The following ARHGAP18 variants were observed in gnomAD, a reference collection of about 807,000 sequenced individuals.
The protein encoded by ARHGAP18 is rho GTPase-activating protein 18.
In ARHGAP18, 67 loss-of-function variants were observed where a neutral mutation model predicts 86.2. The ratio of observed to expected loss-of-function variants is 0.78; its 90% CI spans 0.64 to 0.95. The LOEUF is 0.95. ARHGAP18 is among the 40% of genes least tolerant of loss of function. The probability of loss-of-function intolerance (pLI) is 0.00; values close to 1 mark genes in which losing one functional copy is unlikely to be tolerated. For synonymous variants in ARHGAP18, 283 were observed against 280.4 expected (o/e 1.01, Z -0.09); for missense variants, 691 against 780.4 (o/e 0.89, Z 1.37).
Position 129,625,112 on chromosome 6 carries a change from T to A in ARHGAP18, c.786+4241A>T, listed in dbSNP as rs1341771072. ...ATGATATATGATATATATTATATAT[T>A]ATATAGATATATATTATATATGATA... On this transcript the variant is annotated intron_variant, in intron 5 of 14. Transcript: ENST00000368149. Among the ~76,000 whole-genome samples, 48 of 53,642 alleles carry A rather than the reference T, an allele frequency of 8.9e-4. 6 individuals carry two copies. The highest frequency in any genetic ancestry group is 2.9e-3 in the African/African-American group (44 of 15,266). The allele number at this position is 53,642 out of a possible 152,430, so 35.2% of individuals were successfully genotyped here.
At chr6:129,623,006 CAAAAAAAAAA>C (rs57274879) in intron 5 of ARHGAP18, among the ~76,000 whole-genome samples, 3 of 39,734 alleles carry the variant, frequency 7.6e-5, no homozygotes, top group East Asian at 7.0e-4. Flanking sequence ...CATCTCAAAA[CAAAAAAAAAA>C]AAAAAAAAAA....
At chr6:129,632,752 T>C (rs995368809) in intron 4 of ARHGAP18, among the ~76,000 whole-genome samples, 4 of 152,188 alleles carry the variant, frequency 2.6e-5, no homozygotes, top group African/African-American at 9.6e-5. Context: ...TGTATATACA[T>C]GTGCATGCAT....
chr6:129,705,081 T>C (rs1156504687), intron 1 of ARHGAP18, among the ~76,000 whole-genome samples: 1 of 152,212 alleles, frequency 6.6e-6, no homozygotes, highest in Non-Finnish European at 1.5e-5. Flanking sequence ...GCTCAGGTCT[T>C]TATTTTCCCC....
At chr6:129,649,102 A>G (rs888674184) in intron 1 of ARHGAP18, among the ~76,000 whole-genome samples, 13 of 152,222 alleles carry the variant, frequency 8.5e-5, no homozygotes, top group Admixed American at 2.6e-4. Flanking sequence ...GAACCCAGAG[A>G]AAGAATCTAA....
intron 1 of ARHGAP18, among the ~76,000 whole-genome samples, chr6:129,686,395 G>C (rs1429139756): frequency 6.6e-6 from 1 of 152,146 alleles, no homozygotes; most frequent in Non-Finnish European, 1.5e-5. Flanking sequence ...GTGATGTTCA[G>C]GGAGCATCTG....
At chr6:129,597,455 C>T (rs1210777412) in intron 12 of ARHGAP18, among the ~76,000 whole-genome samples, 2 of 152,114 alleles carry the variant, frequency 1.3e-5, no homozygotes, top group African/African-American at 4.8e-5. Context: ...TCTCTAGTGA[C>T]ACCTGAACAA....
intron 1 of ARHGAP18, among the ~76,000 whole-genome samples, chr6:129,699,834 T>C (rs937517963): frequency 1.5e-4 from 23 of 152,182 alleles, no homozygotes; most frequent in African/African-American, 5.3e-4. Flanking sequence ...CAGGAACTAC[T>C]GTGTTGATAA....
chr6:129,608,076 A>G, intron 8 of ARHGAP18, 24 bp from the exon 9 acceptor site: 1 of 1,550,914 alleles, frequency 6.4e-7, no homozygotes, highest in South Asian at 1.2e-5. Flanking sequence ...AAAAAAAAAA[A>G]AAAAAAAAAA....
chr6:129,625,602 A>ATCTTAT (rs1286691913), intron 5 of ARHGAP18, among the ~76,000 whole-genome samples: 1 of 59,858 alleles, frequency 1.7e-5, no homozygotes, highest in Non-Finnish European at 2.9e-5. Flanking sequence ...TTTATATATT[A>ATCTTAT]TATATTATTA....
At chr6:129,693,032 G>T (rs1332817364) in intron 1 of ARHGAP18, among the ~76,000 whole-genome samples, 2 of 152,136 alleles carry the variant, frequency 1.3e-5, no homozygotes. Context: ...TTGGGTCTGT[G>T]GTAGGCCAAG....
rs1289892642 is a variant in ARHGAP18, at chr6:129,707,657, T to G, written c.113+2367A>C. On this transcript the variant is annotated intron_variant, in intron 1 of 14. Coordinates refer to ENST00000368149, the MANE Select transcript of ARHGAP18 (RefSeq NM_033515.3). ...GTTTGTTTGTGGTTTCTTGTTTTTT[T>G]TTTTTTTTTTGTATTTTTGGTAGAG... 5.3e-5 allele frequency among the ~76,000 whole-genome samples: 8 copies of G among 150,196 alleles called. No homozygotes were observed. The East Asian group carries it at 7.8e-4, about 15-fold the overall frequency.
chr6:129,702,967 G>T (rs2114557432), intron 1 of ARHGAP18, among the ~76,000 whole-genome samples: 1 of 151,840 alleles, frequency 6.6e-6, no homozygotes, highest in Non-Finnish European at 1.5e-5. Flanking sequence ...GCCATGCACT[G>T]CAGCCTGGTG....
At chr6:129,673,131 T>C (rs1381655323) in intron 1 of ARHGAP18, among the ~76,000 whole-genome samples, 2 of 152,214 alleles carry the variant, frequency 1.3e-5, no homozygotes, top group African/African-American at 4.8e-5. Flanking sequence ...TTTAAAAATA[T>C]GCTTCTGCAT....
chr6:129,631,584 T>C (rs1412887112), intron 4 of ARHGAP18, among the ~76,000 whole-genome samples: 1 of 152,170 alleles, frequency 6.6e-6, no homozygotes, highest in African/African-American at 2.4e-5. Flanking sequence ...CTTTTGGCTC[T>C]TAAGGTCCTA....
intron 1 of ARHGAP18, 69 bp from the exon 2 acceptor site, chr6:129,642,087 C>G: frequency 7.2e-7 from 1 of 1,380,564 alleles, no homozygotes; most frequent in South Asian, 1.2e-5. Context: ...TAAGACATCA[C>G]AGCAACAAGC....
At chr6:129,607,107 G>A (rs948354700) in intron 9 of ARHGAP18, among the ~76,000 whole-genome samples, 2 of 151,980 alleles carry the variant, frequency 1.3e-5, no homozygotes, top group African/African-American at 4.8e-5. Flanking sequence ...TGATCTGCCC[G>A]CCTCAGCCTC....
chr6:129,668,362 T>TCACACACACAAACACA lies in ARHGAP18; in HGVS notation c.114-26345_114-26344insTGTGTTTGTGTGTGTG, dbSNP rs748770270. Among the ~76,000 whole-genome samples the TCACACACACAAACACA allele has an allele frequency of 3.7e-4, 51 of 137,846 alleles. 2 individuals are homozygous for TCACACACACAAACACA. The highest frequency in any genetic ancestry group is 2.7e-3 in the Admixed American group (37 of 13,558). The allele number at this position is 137,846 out of a possible 152,430, so 90.4% of individuals were successfully genotyped here. Reference sequence around the variant, plus strand: ...CCAAACCATCAATTTACCCAAATAATCACACACACACACACACACACACAC... The same window carrying TCACACACACAAACACA: ...CCAAACCATCAATTTACCCAAATAATCACACACACAAACACACACACACACACACACACACACACAC... On this transcript the variant is annotated intron_variant, in intron 1 of 14. Coordinates refer to ENST00000368149, the MANE Select transcript of ARHGAP18 (RefSeq NM_033515.3).
chr6:129,596,616 C>A (rs768816733), intron 12 of ARHGAP18, among the ~76,000 whole-genome samples: 1 of 151,990 alleles, frequency 6.6e-6, no homozygotes, highest in Non-Finnish European at 1.5e-5. Context: ...TTTCAAGTAC[C>A]CAGTAATTCC....
At chr6:129,597,894 C>T (rs571819095) in intron 12 of ARHGAP18, among the ~76,000 whole-genome samples, 3 of 152,032 alleles carry the variant, frequency 2.0e-5, no homozygotes, top group South Asian at 4.1e-4. Flanking sequence ...GAAGTTAATG[C>T]TTTTTTTTCC....
Sources: allele counts gnomAD v4.1 joint callset (sites outside exome capture counted in the v4.1 genomes callset), GRCh38; gene constraint gnomAD v4.1.1; transcripts MANE v1.5; gene names NCBI Gene and HGNC (gene_info 2026-07-23, HGNC 2026-07-21).